The following SPON1 variants were observed in gnomAD, a reference collection of about 807,000 sequenced individuals.
SPON1 encodes spondin 1.
A neutral mutation model predicts 111.7 loss-of-function variants in SPON1; 52 were observed. That is an observed-to-expected ratio of 0.47 (90% CI 0.37 to 0.59). The LOEUF (loss-of-function observed/expected upper bound fraction) is 0.59. SPON1 is among the 20% of genes least tolerant of loss of function. SPON1 has a pLI of 0.00. For synonymous variants in SPON1, 410 were observed against 395.8 expected (o/e 1.04, Z -0.43); for missense variants, 957 against 1,068.5 (o/e 0.90, Z 1.46).
chr11:14,110,457 G>T (rs1485512729), intron 5 of SPON1, among the ~76,000 whole-genome samples: 1 of 152,162 alleles, frequency 6.6e-6, no homozygotes, highest in Non-Finnish European at 1.5e-5. Context: ...TAAGATATAT[G>T]TATATAAAAG....
intron 3 of SPON1, among the ~76,000 whole-genome samples, chr11:14,063,008 T>A (rs1848803108): frequency 6.6e-6 from 1 of 151,982 alleles, no homozygotes; most frequent in South Asian, 2.1e-4. Flanking sequence ...CTTCCCTCTT[T>A]TTTTCCTCTC....
intron 6 of SPON1, among the ~76,000 whole-genome samples, chr11:14,221,823 C>T (rs1282475538): frequency 2.0e-5 from 3 of 152,330 alleles, no homozygotes; most frequent in East Asian, 3.9e-4. Context: ...ATCACCTCCT[C>T]ACCTCTCATT....
chr11:13,970,658 A>C (rs1280430941), intron 1 of SPON1, among the ~76,000 whole-genome samples: 1 of 152,078 alleles, frequency 6.6e-6, no homozygotes, highest in Non-Finnish European at 1.5e-5. Context: ...GAATTTTCCA[A>C]ATACACTAAG....
chr11:14,084,446 G>C (rs576210091), intron 5 of SPON1, among the ~76,000 whole-genome samples: 1 of 152,236 alleles, frequency 6.6e-6, no homozygotes, highest in South Asian at 2.1e-4. Context: ...ATGGTTTCCA[G>C]CTTCATCCAT....
chr11:14,183,887 A>G (rs971565494), intron 6 of SPON1, among the ~76,000 whole-genome samples: 2 of 54,860 alleles, frequency 3.6e-5, no homozygotes, highest in African/African-American at 1.2e-4. Context: ...ATAAAATATG[A>G]TAATAATATT....
At chr11:14,143,519 C>G (rs1847681101) in intron 6 of SPON1, among the ~76,000 whole-genome samples, 1 of 151,682 alleles carries the variant, frequency 6.6e-6, no homozygotes, top group Non-Finnish European at 1.5e-5. Context: ...CACGATCACA[C>G]CACTGCACTC....
At chr11:14,051,556 C>A (rs532642699) in intron 3 of SPON1, among the ~76,000 whole-genome samples, 1 of 151,292 alleles carries the variant, frequency 6.6e-6, no homozygotes, top group Non-Finnish European at 1.5e-5. Context: ...AAAAGAGAGA[C>A]AGGGCTTCCT....
Position 14,268,013 on chromosome 11 carries a change from C to T in SPON1, c.*2326C>T, listed in dbSNP as rs550097655. 6.6e-6 allele frequency: 1 copy of T among 152,172 alleles called. No individual in the cohort carries two copies. The highest frequency in any genetic ancestry group is 1.5e-5 in the Non-Finnish European group (1 of 68,034). The allele number at this position is 152,172 out of a possible 1,614,324, so 9.4% of individuals were successfully genotyped here. On this transcript the variant is annotated 3_prime_UTR_variant, in exon 16 of 16. Transcript: ENST00000576479. Reference sequence around the variant, plus strand: ...TTTCCCAACCAGACATTGGGTCACTCACTGGTCACCTTGCCAGTGCATTTT... The same window carrying T: ...TTTCCCAACCAGACATTGGGTCACTTACTGGTCACCTTGCCAGTGCATTTT...
At chr11:14,041,204 T>A (rs1324577541) in intron 2 of SPON1, among the ~76,000 whole-genome samples, 4 of 152,172 alleles carry the variant, frequency 2.6e-5, no homozygotes, top group Non-Finnish European at 2.9e-5. Context: ...TCCTCCTTCT[T>A]CCCCAAAGTG....
chr11:14,042,086 ATCT>A (rs1564891857), intron 3 of SPON1, among the ~76,000 whole-genome samples: 1 of 151,834 alleles, frequency 6.6e-6, no homozygotes. Context: ...TTATGATGCT[ATCT>A]TCTTCTTTGC....
At chr11:14,237,454 G>A (rs1169003606) in intron 6 of SPON1, among the ~76,000 whole-genome samples, 1 of 152,178 alleles carries the variant, frequency 6.6e-6, no homozygotes, top group East Asian at 1.9e-4. Context: ...GGACAGTCAG[G>A]GAAAGTGGAA....
At position 14,211,988 on chromosome 11, in the gene SPON1, A is replaced by C. The variant is rs145444231; in HGVS notation, c.826-31344A>C. ...TAATCCATTATTGATTCATTATTTAAAATAGGTATCTTTATCAAGTTAAGG... is the reference window on the plus strand; with the variant it reads ...TAATCCATTATTGATTCATTATTTACAATAGGTATCTTTATCAAGTTAAGG... On this transcript the variant is annotated intron_variant, in intron 6 of 15. Coordinates refer to ENST00000576479, the MANE Select transcript of SPON1 (RefSeq NM_006108.4). Among the ~76,000 whole-genome samples, 1,212 of 152,292 alleles carry C rather than the reference A, an allele frequency of 8.0e-3. 14 individuals are homozygous for C. The highest frequency in any genetic ancestry group is 0.027 in the African/African-American group (1,137 of 41,566).
intron 3 of SPON1, among the ~76,000 whole-genome samples, chr11:14,043,899 A>G (rs1396824527): frequency 2.6e-5 from 4 of 152,254 alleles, no homozygotes; most frequent in African/African-American, 9.6e-5. Context: ...TAGCCCAGGC[A>G]TCCAGGATAT....
At chr11:14,078,553 A>T (rs1848936325) in intron 4 of SPON1, among the ~76,000 whole-genome samples, 1 of 152,148 alleles carries the variant, frequency 6.6e-6, no homozygotes, top group African/African-American at 2.4e-5. Context: ...ACCTATCCAG[A>T]TGAGGTCTTT....
At chr11:13,988,497 AGACAATT>A (rs1298607329) in intron 2 of SPON1, among the ~76,000 whole-genome samples, 3 of 152,132 alleles carry the variant, frequency 2.0e-5, no homozygotes, top group African/African-American at 7.2e-5. Flanking sequence ...CTACAAATAG[AGACAATT>A]TGACTTCCTC....
At chr11:14,180,314 T>C (rs1848223741) in intron 6 of SPON1, among the ~76,000 whole-genome samples, 1 of 152,224 alleles carries the variant, frequency 6.6e-6, no homozygotes, top group Admixed American at 6.5e-5. Context: ...AATCTAGCCC[T>C]TCCTCTCTAC....
chr11:14,199,393 C>G (rs531207213), intron 6 of SPON1, among the ~76,000 whole-genome samples: 4 of 152,008 alleles, frequency 2.6e-5, no homozygotes, highest in Admixed American at 2.6e-4. Flanking sequence ...CCTTCACCCC[C>G]ACAACAGTTG....
intron 6 of SPON1, among the ~76,000 whole-genome samples, chr11:14,175,754 C>T (rs1848167891): frequency 6.6e-6 from 1 of 152,070 alleles, no homozygotes; most frequent in Non-Finnish European, 1.5e-5. Flanking sequence ...CCAGAAGAAC[C>T]GAGTGGCTTC....
At chr11:14,122,323 G>A (rs779596474) in intron 5 of SPON1, among the ~76,000 whole-genome samples, 10 of 152,126 alleles carry the variant, frequency 6.6e-5, no homozygotes, top group South Asian at 4.1e-4. Flanking sequence ...ACAGGCGCCC[G>A]CCACCAGGCC....
Sources: allele counts gnomAD v4.1 joint callset (sites outside exome capture counted in the v4.1 genomes callset), GRCh38; gene constraint gnomAD v4.1.1; transcripts MANE v1.5; gene names NCBI Gene and HGNC (gene_info 2026-07-23, HGNC 2026-07-21).